CNTNAP2: variants seen among roughly 807,000 people sequenced by gnomAD.
CNTNAP2 encodes the protein contactin associated protein 2.
CNTNAP2 carries 98 observed loss-of-function variants against 155.2 expected under a neutral mutation model. The observed-to-expected ratio is 0.63, with a 90% confidence interval of 0.54 to 0.75. CNTNAP2 has a LOEUF of 0.75. Among genes scored for constraint, CNTNAP2 ranks in the 30% least tolerant of loss-of-function variants. CNTNAP2 has a pLI of 0.00. For missense variants in CNTNAP2, 1,727 were observed against 1,688.1 expected (o/e 1.02, Z -0.40); for synonymous variants, 651 against 631.2 (o/e 1.03, Z -0.47).
chr7:146,637,749 C>T (rs943784455), intron 1 of CNTNAP2, among the ~76,000 whole-genome samples: 3 of 152,108 alleles, frequency 2.0e-5, no homozygotes, highest in African/African-American at 4.8e-5. Context: ...CTAAACCCCA[C>T]ATAAATGTAA....
chr7:147,354,128 T>A (rs1796019499), intron 9 of CNTNAP2, among the ~76,000 whole-genome samples: 1 of 152,154 alleles, frequency 6.6e-6, no homozygotes, highest in Non-Finnish European at 1.5e-5. Context: ...GTGCAGAAGC[T>A]TTTTAGTTTA....
At chr7:146,998,793 G>T (rs1330996676) in intron 3 of CNTNAP2, among the ~76,000 whole-genome samples, 1 of 151,772 alleles carries the variant, frequency 6.6e-6, no homozygotes, top group Admixed American at 6.6e-5. Flanking sequence ...TCTTTTCACA[G>T]ATTTTGGCTT....
chr7:147,296,107 T>G (rs35361380), intron 8 of CNTNAP2, among the ~76,000 whole-genome samples: 5,223 of 152,308 alleles, frequency 0.034, 121 homozygotes, highest in Non-Finnish European at 0.052. Context: ...TAACCGAAGA[T>G]ATTTTATAAG....
intron 1 of CNTNAP2, among the ~76,000 whole-genome samples, chr7:146,477,624 AACACACACACACACAC>A (rs1162610079): frequency 0.031 from 4,092 of 131,706 alleles, 82 homozygotes; most frequent in African/African-American, 0.049. Context: ...TTCTTCAGCA[AACACACACACACACAC>A]ACACACACAC....
intron 1 of CNTNAP2, among the ~76,000 whole-genome samples, chr7:146,533,653 AATAAG>A: frequency 6.6e-6 from 1 of 152,260 alleles, no homozygotes; most frequent in South Asian, 2.1e-4. Flanking sequence ...TTGAAATAAA[AATAAG>A]ATAATTCCAG....
chr7:147,612,978 T>G (rs1310813649), intron 12 of CNTNAP2, among the ~76,000 whole-genome samples: 1 of 152,240 alleles, frequency 6.6e-6, no homozygotes, highest in Non-Finnish European at 1.5e-5. Flanking sequence ...TATTTACTAT[T>G]GCAAACAATA....
chr7:146,679,617 A>G (rs1312947320), intron 1 of CNTNAP2, among the ~76,000 whole-genome samples: 2 of 152,000 alleles, frequency 1.3e-5, no homozygotes, highest in African/African-American at 4.8e-5. Flanking sequence ...GGCCTCCCAA[A>G]GTGCTAGGAT....
intron 9 of CNTNAP2, among the ~76,000 whole-genome samples, chr7:147,386,394 G>T (rs115916339): frequency 6.6e-6 from 1 of 152,022 alleles, no homozygotes; most frequent in Non-Finnish European, 1.5e-5. Context: ...TTTATGCTCC[G>T]TTTCCCTTTA....
intron 5 of CNTNAP2, 82 bp from the exon 6 acceptor site, chr7:147,120,897 T>A (rs1315186591): frequency 1.6e-6 from 2 of 1,265,760 alleles, no homozygotes. Flanking sequence ...AGCCTCTAGG[T>A]GCTGTAAATG....
chr7:146,953,874 C>T (rs1400821627), intron 3 of CNTNAP2, among the ~76,000 whole-genome samples: 1 of 151,812 alleles, frequency 6.6e-6, no homozygotes, highest in East Asian at 1.9e-4. Context: ...AAATAATAAT[C>T]AGGTAAAAAA....
chr7:146,179,361 G>A (rs915892158), intron 1 of CNTNAP2, among the ~76,000 whole-genome samples: 1 of 151,326 alleles, frequency 6.6e-6, no homozygotes, highest in Non-Finnish European at 1.5e-5. Context: ...AATAATTGTG[G>A]AAAGCCAAGA....
intron 1 of CNTNAP2, among the ~76,000 whole-genome samples, chr7:146,267,426 A>T (rs545433471): frequency 5.1e-4 from 78 of 152,274 alleles, no homozygotes; most frequent in African/African-American, 1.5e-3. Context: ...AGAACTTTAG[A>T]TCCTAGATAT....
At chr7:147,428,315 G>T (rs181723392) in intron 10 of CNTNAP2, among the ~76,000 whole-genome samples, 1 of 152,012 alleles carries the variant, frequency 6.6e-6, no homozygotes, top group East Asian at 1.9e-4. Flanking sequence ...TACTAACTTT[G>T]CAGCCTTTTT....
intron 8 of CNTNAP2, among the ~76,000 whole-genome samples, chr7:147,272,582 T>C (rs34617317): frequency 0.21 from 31,562 of 151,788 alleles, 3,512 homozygotes; most frequent in Non-Finnish European, 0.23. Context: ...CACTGCAAGC[T>C]CCGCCTCCCG....
chr7:146,279,421 T>C (rs1445988870), intron 1 of CNTNAP2, among the ~76,000 whole-genome samples: 1 of 143,146 alleles, frequency 7.0e-6, no homozygotes, highest in Admixed American at 6.9e-5. Flanking sequence ...AAAAAATTCA[T>C]TTCCTTAAAC....
At chr7:148,016,631 C>T (rs1215440567) in intron 15 of CNTNAP2, among the ~76,000 whole-genome samples, 1 of 152,176 alleles carries the variant, frequency 6.6e-6, no homozygotes, top group East Asian at 1.9e-4. Context: ...TACACATGCT[C>T]ATTGTCAAAA....
chr7:146,294,514 T>G (rs528429866), intron 1 of CNTNAP2, among the ~76,000 whole-genome samples: 2 of 152,354 alleles, frequency 1.3e-5, no homozygotes, highest in South Asian at 4.1e-4. Context: ...TGTTAACTAA[T>G]GCAAAGATAT....
intron 12 of CNTNAP2, among the ~76,000 whole-genome samples, chr7:147,597,602 T>C (rs1563014599): frequency 6.6e-6 from 1 of 152,148 alleles, no homozygotes; most frequent in African/African-American, 2.4e-5. Context: ...AAGCAGCTTA[T>C]TGAATGAATG....
chr7:147,265,831 G>C (rs1804595393), intron 8 of CNTNAP2, among the ~76,000 whole-genome samples: 1 of 152,114 alleles, frequency 6.6e-6, no homozygotes, highest in African/African-American at 2.4e-5. Flanking sequence ...TGCCTCCTTA[G>C]GTGACATCTC....
Sources: gnomAD v4.1 joint callset for allele counts (sites outside exome capture counted in the v4.1 genomes callset) on GRCh38, gnomAD v4.1.1 for gene constraint, MANE v1.5 for transcripts, NCBI Gene and HGNC (gene_info 2026-07-23, HGNC 2026-07-21) for gene names.